Variants in CFAP20DC observed in about 807,000 individuals in gnomAD.
CFAP20DC encodes protein CFAP20DC.
Under a neutral mutation model 101.7 loss-of-function variants are expected in CFAP20DC, and 84 were observed. That is an observed-to-expected ratio of 0.83 (90% confidence interval 0.69 to 0.99). CFAP20DC has a LOEUF of 0.99. Among genes scored for constraint, CFAP20DC ranks in the 50% least tolerant of loss-of-function variants. CFAP20DC has a pLI of 0.00. For missense variants in CFAP20DC, 1,007 were observed against 970.3 expected (o/e 1.04, Z -0.50); for synonymous variants, 359 against 351.2 (o/e 1.02, Z -0.25).
At chr3:58,744,471 A>T (rs1016380121) in intron 16 of CFAP20DC, among the ~76,000 whole-genome samples, 2 of 152,172 alleles carry the variant, frequency 1.3e-5, no homozygotes, top group African/African-American at 4.8e-5. Flanking sequence ...AAAAATTTAA[A>T]AGTGTCCTAC....
chr3:58,832,219 CT>C (rs1339641004), intron 13 of CFAP20DC, among the ~76,000 whole-genome samples: 1 of 152,144 alleles, frequency 6.6e-6, no homozygotes, highest in Non-Finnish European at 1.5e-5. Context: ...TCAGGGAAGC[CT>C]TTCCTGACAA....
chr3:59,023,957 T>C (rs1294854648), intron 4 of CFAP20DC, among the ~76,000 whole-genome samples: 1 of 151,816 alleles, frequency 6.6e-6, no homozygotes, highest in Non-Finnish European at 1.5e-5. Context: ...GTACATAAGA[T>C]TGAAAAAAGG....
intron 6 of CFAP20DC, among the ~76,000 whole-genome samples, chr3:58,885,051 ATT>A (rs1349689940): frequency 6.6e-6 from 1 of 152,166 alleles, no homozygotes; most frequent in Non-Finnish European, 1.5e-5. Flanking sequence ...GCCATTTAAG[ATT>A]TCTGGGAGTA....
At chr3:58,851,307 G>A (rs918126839) in intron 12 of CFAP20DC, among the ~76,000 whole-genome samples, 1 of 152,128 alleles carries the variant, frequency 6.6e-6, no homozygotes, top group African/African-American at 2.4e-5. Flanking sequence ...CCAATCAGTA[G>A]ACTATTGTAT....
chr3:58,988,550 T>C (rs1341856945), intron 4 of CFAP20DC, among the ~76,000 whole-genome samples: 3 of 152,146 alleles, frequency 2.0e-5, no homozygotes, highest in Admixed American at 2.0e-4. Context: ...AAGTGACATA[T>C]GTCAGCTCAT....
chr3:58,969,198 C>A (rs543548923), intron 4 of CFAP20DC, among the ~76,000 whole-genome samples: 1 of 152,160 alleles, frequency 6.6e-6, no homozygotes, highest in East Asian at 1.9e-4. Context: ...ATAGAAATTT[C>A]TTCAAGAAGG....
At chr3:59,028,004 C>A (rs564146967) in intron 4 of CFAP20DC, among the ~76,000 whole-genome samples, 2 of 152,220 alleles carry the variant, frequency 1.3e-5, no homozygotes, top group South Asian at 4.1e-4. Flanking sequence ...TTGTAAAAAG[C>A]AAGTAGGTCT....
intron 4 of CFAP20DC, among the ~76,000 whole-genome samples, chr3:59,025,048 T>G (rs1250792094): frequency 6.6e-6 from 1 of 152,164 alleles, no homozygotes; most frequent in East Asian, 1.9e-4. Flanking sequence ...CCTTAATTCA[T>G]TGGAAGTCTA....
At chr3:58,870,909 A>AG (rs2080140974) in intron 7 of CFAP20DC, among the ~76,000 whole-genome samples, 2 of 149,846 alleles carry the variant, frequency 1.3e-5, no homozygotes, top group Non-Finnish European at 3.0e-5. Context: ...AAAAAAAAAA[A>AG]AAAAAAAAAA....
intron 14 of CFAP20DC, among the ~76,000 whole-genome samples, chr3:58,812,852 T>G (rs1388908828): frequency 6.6e-6 from 1 of 151,912 alleles, no homozygotes; most frequent in Non-Finnish European, 1.5e-5. Flanking sequence ...GCATCTATGA[T>G]GTAATTAAAG....
In CFAP20DC at chr3:59,007,871, C is replaced by T. The variant is rs1279073799; in HGVS notation, c.278+31686G>A. The stretch of plus-strand genomic sequence containing the variant: ...GGACAAAAAACTCTGAACAGCAGGA[C>T]TTGGGTTTCAGATCTTTCCACTGGT... On this transcript the variant is annotated intron_variant, in intron 4 of 16. Coordinates refer to ENST00000482387, the MANE Select transcript of CFAP20DC (RefSeq NM_001394063.1). The surrounding 1 kb of genome is among the most constrained non-coding windows in gnomAD (Gnocchi z 4.4). 6.6e-6 allele frequency among the ~76,000 whole-genome samples: 1 copy of T among 152,324 alleles called. No individual in the cohort carries two copies. The highest frequency in any genetic ancestry group is 1.9e-4 in the East Asian group (1 of 5,174).
chr3:58,936,928 A>T (rs975480319), intron 5 of CFAP20DC, among the ~76,000 whole-genome samples: 2 of 149,494 alleles, frequency 1.3e-5, no homozygotes, highest in South Asian at 4.4e-4. Flanking sequence ...TATAATAATA[A>T]CAAAATTAAA....
At chr3:58,786,087 T>C (rs993004826) in intron 15 of CFAP20DC, among the ~76,000 whole-genome samples, 9 of 152,162 alleles carry the variant, frequency 5.9e-5, no homozygotes, top group South Asian at 2.1e-4. Context: ...TTACTTTTCA[T>C]TGAGGTTTCT....
At chr3:58,781,228 T>C (rs2071797888) in intron 15 of CFAP20DC, among the ~76,000 whole-genome samples, 1 of 151,402 alleles carries the variant, frequency 6.6e-6, no homozygotes. Flanking sequence ...ATAAAACATT[T>C]CTTGAAAAAA....
At chr3:58,931,227 G>A (rs556095990) in intron 5 of CFAP20DC, among the ~76,000 whole-genome samples, 277 of 152,202 alleles carry the variant, frequency 1.8e-3, no homozygotes, top group East Asian at 9.7e-3. Context: ...GGAGGGGTGC[G>A]CGCCATTGCC....
chr3:58,756,501 T>C (rs1229066698), intron 15 of CFAP20DC, among the ~76,000 whole-genome samples: 1 of 152,156 alleles, frequency 6.6e-6, no homozygotes, highest in East Asian at 1.9e-4. Flanking sequence ...CTGCTTCCTT[T>C]TGTGTTACAT....
chr3:58,861,505 C>T lies in CFAP20DC; in HGVS notation c.1593+2053G>A. 1 of 942,356 alleles carries T rather than the reference C, an allele frequency of 1.1e-6. No individual in the cohort carries two copies. Among genetic ancestry groups the T allele is most frequent in the Non-Finnish European group, 1.3e-6 (1 of 790,764 alleles). The allele number at this position is 942,356 out of a possible 1,614,324, so 58.4% of individuals were successfully genotyped here. A position where few individuals can be genotyped will look rare whatever the true frequency, so the allele number is the denominator to read the frequency against. On this transcript the variant is annotated intron_variant, in intron 12 of 16. Coordinates refer to ENST00000482387, the MANE Select transcript of CFAP20DC (RefSeq NM_001394063.1). The surrounding 1 kb of genome is among the most constrained non-coding windows in gnomAD (Gnocchi z 4.0). The stretch of plus-strand genomic sequence containing the variant: ...TTATACAATTAATAAATAGAAGAAG[C>T]TATCCTACAGGAAAAGAAATTACCA...
intron 3 of CFAP20DC, among the ~76,000 whole-genome samples, chr3:58,736,638 A>C (rs1246299065): frequency 6.6e-6 from 1 of 152,232 alleles, no homozygotes; most frequent in Non-Finnish European, 1.5e-5. Context: ...CCGCTACAGC[A>C]CATTAGAGCT....
chr3:58,791,693 A>G (rs1440141783), intron 15 of CFAP20DC, among the ~76,000 whole-genome samples: 1 of 152,216 alleles, frequency 6.6e-6, no homozygotes, highest in Non-Finnish European at 1.5e-5. Context: ...CTTAAAAACA[A>G]CAAATGTTAA....
Sources: gnomAD v4.1 joint callset for allele counts (sites outside exome capture counted in the v4.1 genomes callset) on GRCh38, gnomAD v4.1.1 for gene constraint, Gnocchi (gnomAD v3.1) non-coding constraint, MANE v1.5 for transcripts, NCBI Gene and HGNC (gene_info 2026-07-23, HGNC 2026-07-21) for gene names.